KLF12: variants seen among roughly 807,000 people sequenced by gnomAD.
KLF12 encodes KLF transcription factor 12.
A neutral mutation model predicts 37.8 loss-of-function variants in KLF12; 9 were observed. The observed-to-expected ratio is 0.24, with a 90% CI of 0.14 to 0.42. The LOEUF is 0.42. KLF12 is among the 10% of genes least tolerant of loss of function. KLF12 has a pLI of 1.00. For missense variants in KLF12, 411 were observed against 516.0 expected (o/e 0.80, Z 1.97); for synonymous variants, 208 against 202.1 (o/e 1.03, Z -0.25).
chr13:74,105,240 G>A (rs2138891654), intron 1 of KLF12, among the ~76,000 whole-genome samples: 1 of 152,262 alleles, frequency 6.6e-6, no homozygotes, highest in East Asian at 1.9e-4. Flanking sequence ...TATTGACTTA[G>A]CAATTTCAGA....
intron 2 of KLF12, among the ~76,000 whole-genome samples, chr13:73,969,029 T>TAAAAA: frequency 6.8e-6 from 1 of 147,632 alleles, no homozygotes; most frequent in Non-Finnish European, 1.5e-5. Context: ...CCCCATACTT[T>TAAAAA]AAAAAAAAAA....
intron 4 of KLF12, among the ~76,000 whole-genome samples, chr13:73,826,029 T>A (rs539839778): frequency 6.6e-6 from 1 of 151,956 alleles, no homozygotes; most frequent in Non-Finnish European, 1.5e-5. Context: ...CTGGAGTGCA[T>A]TGGGACGATC....
At chr13:74,085,668 C>T (rs1192512808) in intron 1 of KLF12, among the ~76,000 whole-genome samples, 1 of 152,250 alleles carries the variant, frequency 6.6e-6, no homozygotes, top group South Asian at 2.1e-4. Flanking sequence ...CACTAGCCAG[C>T]GGGTTTCTAA....
the KLF12 span, among the ~76,000 whole-genome samples, chr13:74,140,044 C>A: frequency 7.2e-5 from 11 of 151,910 alleles, no homozygotes; most frequent in South Asian, 2.1e-4. Flanking sequence ...TAGCACGTAA[C>A]ATTAGAATTT....
chr13:73,797,876 C>T (rs917954056), intron 5 of KLF12, among the ~76,000 whole-genome samples: 5 of 152,022 alleles, frequency 3.3e-5, no homozygotes, highest in Non-Finnish European at 5.9e-5. Flanking sequence ...TGGTCCAGGC[C>T]CAGAGTCAAT....
intron 1 of KLF12, among the ~76,000 whole-genome samples, chr13:74,133,014 G>C (rs925687070): frequency 1.3e-5 from 2 of 152,180 alleles, no homozygotes; most frequent in Non-Finnish European, 2.9e-5. Flanking sequence ...GGCCCGGGTG[G>C]ACGTACAAAG....
At chr13:73,772,977 G>T (rs548114291) in intron 5 of KLF12, among the ~76,000 whole-genome samples, 4 of 152,270 alleles carry the variant, frequency 2.6e-5, no homozygotes, top group African/African-American at 9.6e-5. Flanking sequence ...GCAGAAGTAA[G>T]GTAACAATTT....
intron 1 of KLF12, among the ~76,000 whole-genome samples, chr13:74,042,995 T>A (rs904218849): frequency 2.0e-5 from 3 of 151,776 alleles, no homozygotes; most frequent in Non-Finnish European, 2.9e-5. Flanking sequence ...TTTCACAAGA[T>A]TATTCCAATA....
At chr13:74,108,536 C>T (rs1048880689) in intron 1 of KLF12, among the ~76,000 whole-genome samples, 1 of 152,072 alleles carries the variant, frequency 6.6e-6, no homozygotes, top group Admixed American at 6.6e-5. Flanking sequence ...GGGGCGCTGA[C>T]CTCCCATGGA....
chr13:73,815,310 T>C (rs1236320999), intron 4 of KLF12, among the ~76,000 whole-genome samples: 1 of 152,180 alleles, frequency 6.6e-6, no homozygotes, highest in Non-Finnish European at 1.5e-5. Flanking sequence ...GAAGGAACCA[T>C]TATCATTTAA....
At chr13:74,256,675 C>T in the KLF12 span, among the ~76,000 whole-genome samples, 1 of 125,978 alleles carries the variant, frequency 7.9e-6, no homozygotes. Flanking sequence ...TAGTGGAAAA[C>T]TCTGAGTAGA....
chr13:74,284,917 C>T, the KLF12 span, among the ~76,000 whole-genome samples: 1 of 151,952 alleles, frequency 6.6e-6, no homozygotes, highest in Admixed American at 6.5e-5. Flanking sequence ...TGTTTTTTTT[C>T]CCACCCATTA....
intron 3 of KLF12, among the ~76,000 whole-genome samples, chr13:73,871,398 C>T (rs1199584294): frequency 3.3e-5 from 5 of 152,098 alleles, no homozygotes; most frequent in Non-Finnish European, 5.9e-5. Flanking sequence ...TAGAGTGGTT[C>T]GTGTTTCCTG....
chr13:74,093,566 C>G (rs983349894), intron 1 of KLF12, among the ~76,000 whole-genome samples: 5 of 152,078 alleles, frequency 3.3e-5, no homozygotes, highest in Admixed American at 2.0e-4. Flanking sequence ...ATAAGATGGT[C>G]ATTATCATTT....
chr13:73,989,900 ATAAT>A (rs1052280635), intron 2 of KLF12, among the ~76,000 whole-genome samples: 1 of 152,206 alleles, frequency 6.6e-6, no homozygotes, highest in Non-Finnish European at 1.5e-5. Flanking sequence ...AAAAATTAAA[ATAAT>A]TACACATAAA....
intron 1 of KLF12, among the ~76,000 whole-genome samples, chr13:74,074,503 C>T (rs139746280): frequency 2.6e-5 from 4 of 152,264 alleles, no homozygotes; most frequent in African/African-American, 9.6e-5. Flanking sequence ...CAGTGGATCC[C>T]AGGTACCAGG....
intron 3 of KLF12, among the ~76,000 whole-genome samples, chr13:73,903,850 C>A (rs1888147138): frequency 6.6e-6 from 1 of 152,192 alleles, no homozygotes; most frequent in Admixed American, 6.5e-5. Flanking sequence ...CCTACTGTAA[C>A]TGTGCATGTG....
At chr13:74,131,960 T>A (rs922521937) in intron 1 of KLF12, among the ~76,000 whole-genome samples, 3 of 152,180 alleles carry the variant, frequency 2.0e-5, no homozygotes, top group African/African-American at 7.2e-5. Flanking sequence ...CTTACCCAAC[T>A]GAAACGTCTG....
intron 3 of KLF12, among the ~76,000 whole-genome samples, chr13:73,863,817 C>T (rs1040898753): frequency 1.3e-5 from 2 of 152,040 alleles, no homozygotes; most frequent in African/African-American, 4.8e-5. Flanking sequence ...AATAGCACCC[C>T]GCCAGGAGGG....
Sources: allele counts gnomAD v4.1 joint callset (sites outside exome capture counted in the v4.1 genomes callset), GRCh38; gene constraint gnomAD v4.1.1; transcripts MANE v1.5; gene names NCBI Gene and HGNC (gene_info 2026-07-23, HGNC 2026-07-21).